The following KCNN3 variants were observed in gnomAD, a reference collection of about 807,000 sequenced individuals.
KCNN3 encodes small conductance calcium-activated potassium channel protein 3.
Under a neutral mutation model 62.9 loss-of-function variants are expected in KCNN3, and 16 were observed. The ratio of observed to expected loss-of-function variants is 0.25; its 90% confidence interval spans 0.17 to 0.39. KCNN3 has a LOEUF of 0.39. KCNN3 is among the 10% of genes least tolerant of loss of function. The probability of loss-of-function intolerance (pLI) is 1.00; values close to 1 mark genes in which losing one functional copy is unlikely to be tolerated. For missense variants in KCNN3, 599 were observed against 949.4 expected, an observed-to-expected ratio of 0.63 and a Z score of 4.85; for synonymous variants, 370 against 389.2, an observed-to-expected ratio of 0.95 and a Z score of 0.58.
At chr1:154,710,734 AT>A (rs906635683) in intron 7 of KCNN3, among the ~76,000 whole-genome samples, 17 of 152,374 alleles carry the variant, frequency 1.1e-4, no homozygotes, top group African/African-American at 4.1e-4. Flanking sequence ...CAAAAAACAC[AT>A]GAAAAAATGC....
intron 3 of KCNN3, among the ~76,000 whole-genome samples, chr1:154,748,097 A>G (rs550786124): frequency 6.6e-6 from 1 of 152,332 alleles, no homozygotes; most frequent in South Asian, 2.1e-4. Context: ...AGCTGGTCAG[A>G]GCTACTGAAG....
chr1:154,828,732 C>G (rs752965613), intron 1 of KCNN3, among the ~76,000 whole-genome samples: 1 of 152,206 alleles, frequency 6.6e-6, no homozygotes, highest in African/African-American at 2.4e-5. Context: ...CAAAGAGAAG[C>G]ATGCATTCCC....
intron 4 of KCNN3, among the ~76,000 whole-genome samples, chr1:154,728,449 A>AC (rs1392095655): frequency 6.6e-6 from 1 of 152,140 alleles, no homozygotes; most frequent in Non-Finnish European, 1.5e-5. Flanking sequence ...CAGTAATGAC[A>AC]CCTAACCTGG....
At chr1:154,786,503 A>C (rs1436707225) in intron 2 of KCNN3, among the ~76,000 whole-genome samples, 1 of 152,242 alleles carries the variant, frequency 6.6e-6, no homozygotes, top group Admixed American at 6.5e-5. Flanking sequence ...ATTGACTTAG[A>C]AAATGTTCAT....
intron 3 of KCNN3, among the ~76,000 whole-genome samples, chr1:154,760,013 C>CTTCT (rs955246132): frequency 3.4e-5 from 5 of 148,616 alleles, no homozygotes; most frequent in African/African-American, 1.2e-4. Flanking sequence ...CTTTCTTTTC[C>CTTCT]TTCTTTCTTT....
intron 4 of KCNN3, among the ~76,000 whole-genome samples, chr1:154,730,855 C>T (rs1355042362): frequency 6.6e-6 from 1 of 152,174 alleles, no homozygotes; most frequent in East Asian, 1.9e-4. Flanking sequence ...GGGAGCACTG[C>T]ACACCCAGAC....
rs558789035 is a variant in KCNN3, at chr1:154,801,923, AG to A, written c.1029+20165del. ...TGGGAGTGGGCATGCAGGCAGCAGAAGAGGAAGGGGCCAACCCACAAGAGCA... is the reference window on the plus strand; with the variant it reads ...TGGGAGTGGGCATGCAGGCAGCAGAAAGGAAGGGGCCAACCCACAAGAGCA... On this transcript the variant is annotated intron_variant, in intron 2 of 7. Transcript: ENST00000271915. Among the ~76,000 whole-genome samples, 136 of 152,334 alleles carry A rather than the reference AG, an allele frequency of 8.9e-4. 1 individual carries two copies. Among genetic ancestry groups the A allele is most frequent in the African/African-American group, 3.2e-3 (132 of 41,578 alleles).
At chr1:154,776,817 T>C (rs1447844935) in intron 2 of KCNN3, among the ~76,000 whole-genome samples, 1 of 152,194 alleles carries the variant, frequency 6.6e-6, no homozygotes, top group Non-Finnish European at 1.5e-5. Context: ...TGTTCAAAAA[T>C]ACCCATGCCC....
At chr1:154,825,949 G>A (rs1331393126) in intron 1 of KCNN3, among the ~76,000 whole-genome samples, 3 of 151,654 alleles carry the variant, frequency 2.0e-5, no homozygotes, top group Admixed American at 6.6e-5. Flanking sequence ...TCGGGAGACT[G>A]AGGCAGGAGA....
chr1:154,849,452 C>T (rs1396063450), intron 1 of KCNN3, among the ~76,000 whole-genome samples: 3 of 152,232 alleles, frequency 2.0e-5, no homozygotes, highest in African/African-American at 7.2e-5. Context: ...TCACAGCTGA[C>T]TAAGCATGCT....
rs568923578 is a variant in KCNN3, at chr1:154,824,710, A to C, written c.934-2526T>G. On this transcript the variant is annotated intron_variant, in intron 1 of 7. Transcript: ENST00000271915. Reference sequence around the variant, plus strand: ...CCCTTATTTATTTCTTTTGGCAGCAATGAATTGACATCAGAATCCAAGTCT... The same window carrying C: ...CCCTTATTTATTTCTTTTGGCAGCACTGAATTGACATCAGAATCCAAGTCT... Among the ~76,000 whole-genome samples, 12 of 152,340 alleles carry C rather than the reference A, an allele frequency of 7.9e-5. 1 individual carries two copies. The highest frequency in any genetic ancestry group is 7.8e-4 in the Admixed American group (12 of 15,304).
chr1:154,733,199 G>C (rs1700635374), intron 3 of KCNN3, 55 bp from the exon 4 acceptor site: 4 of 1,586,284 alleles, frequency 2.5e-6, no homozygotes, highest in Non-Finnish European at 1.7e-6. Context: ...GGGAGTAAGG[G>C]CTGTGGGCAA....
intron 1 of KCNN3, among the ~76,000 whole-genome samples, chr1:154,834,925 T>C (rs1203082863): frequency 6.6e-6 from 1 of 152,200 alleles, no homozygotes; most frequent in African/African-American, 2.4e-5. Flanking sequence ...CCTGCTCCAC[T>C]GAAGCCAGAT....
chr1:154,833,352 C>G (rs1325070944), intron 1 of KCNN3, among the ~76,000 whole-genome samples: 2 of 152,220 alleles, frequency 1.3e-5, no homozygotes, highest in African/African-American at 2.4e-5. Context: ...ACAGACATCT[C>G]TGGAGGCTGT....
At chr1:154,854,226 C>A (rs534797051) in intron 1 of KCNN3, among the ~76,000 whole-genome samples, 3 of 152,176 alleles carry the variant, frequency 2.0e-5, no homozygotes, top group African/African-American at 7.2e-5. Flanking sequence ...CAGAGCAAGA[C>A]TCCATCTCAA....
intron 2 of KCNN3, among the ~76,000 whole-genome samples, chr1:154,803,442 T>C (rs1462483956): frequency 1.3e-5 from 2 of 152,218 alleles, no homozygotes; most frequent in Non-Finnish European, 2.9e-5. Context: ...GTGTCATTAT[T>C]AGCTCAGTAA....
At chr1:154,824,382 C>G (rs1232001615) in intron 1 of KCNN3, among the ~76,000 whole-genome samples, 1 of 152,208 alleles carries the variant, frequency 6.6e-6, no homozygotes, top group Non-Finnish European at 1.5e-5. Context: ...CAGAGAAGGA[C>G]AGAACACAGT....
chr1:154,743,439 G>A (rs1292784206), intron 3 of KCNN3, among the ~76,000 whole-genome samples: 1 of 152,170 alleles, frequency 6.6e-6, no homozygotes, highest in Non-Finnish European at 1.5e-5. Flanking sequence ...GGGCCTCTCT[G>A]AGCCCATCTC....
chr1:154,793,667 G>C (rs952529780), intron 2 of KCNN3, among the ~76,000 whole-genome samples: 2 of 152,150 alleles, frequency 1.3e-5, no homozygotes, highest in Non-Finnish European at 2.9e-5. Flanking sequence ...CAACTGTTGT[G>C]GGGGGAAAGG....
Sources: allele counts gnomAD v4.1 joint callset (sites outside exome capture counted in the v4.1 genomes callset), GRCh38; gene constraint gnomAD v4.1.1; transcripts MANE v1.5; gene names NCBI Gene and HGNC (gene_info 2026-07-23, HGNC 2026-07-21).